The following DNAH7 variants were observed in gnomAD, a reference collection of about 807,000 sequenced individuals.
DNAH7 encodes the protein dynein axonemal heavy chain 7.
Under a neutral mutation model 444.6 loss-of-function variants are expected in DNAH7, and 397 were observed. That is an observed-to-expected ratio of 0.89 (90% CI 0.82 to 0.97). DNAH7 has a LOEUF of 0.97. Among genes scored for constraint, DNAH7 ranks in the 50% least tolerant of loss-of-function variants. The pLI is 0.00. For synonymous variants in DNAH7, 1,636 were observed against 1,624.4 expected (o/e 1.01, Z -0.17); for missense variants, 4,902 against 4,800.8 (o/e 1.02, Z -0.62).
At chr2:196,003,375 A>G (rs750740366) in intron 10 of DNAH7, among the ~76,000 whole-genome samples, 1 of 152,152 alleles carries the variant, frequency 6.6e-6, no homozygotes, top group Non-Finnish European at 1.5e-5. Flanking sequence ...GCAGAACTGG[A>G]AAGAGGACAA....
At chr2:195,856,989 A>G (rs193287257) in intron 44 of DNAH7, among the ~76,000 whole-genome samples, 1 of 152,316 alleles carries the variant, frequency 6.6e-6, no homozygotes, top group Admixed American at 6.5e-5. Flanking sequence ...TCTATTTTTA[A>G]AAGAAAAACA....
intron 15 of DNAH7, among the ~76,000 whole-genome samples, chr2:195,979,648 A>T (rs1692432285): frequency 6.6e-6 from 1 of 151,850 alleles, no homozygotes; most frequent in South Asian, 2.1e-4. Context: ...ATTGAAATAA[A>T]GGAAAGAATA....
At chr2:195,934,300 A>G (rs1330932128) in intron 21 of DNAH7, among the ~76,000 whole-genome samples, 2 of 152,204 alleles carry the variant, frequency 1.3e-5, no homozygotes, top group Non-Finnish European at 2.9e-5. Context: ...AACAAAGTGT[A>G]TCTAATTAAT....
Position 195,883,437 on chromosome 2 carries a change from G to A in DNAH7, c.5763+1148C>T. 1.3e-5 allele frequency among the ~76,000 whole-genome samples: 2 copies of A among 148,344 alleles called. 1 individual carries two copies. Among genetic ancestry groups the A allele is most frequent in the Non-Finnish European group, 2.9e-5 (2 of 67,886 alleles). ...CACTCCAACCTGGACAACACAGCGA[G>A]ACTCAGTCCCCGCTCCCCCCCCCCA... On this transcript the variant is annotated intron_variant, in intron 35 of 64. Transcript: ENST00000312428.
At chr2:195,837,103 T>A (rs1241402321) in intron 47 of DNAH7, among the ~76,000 whole-genome samples, 1 of 152,222 alleles carries the variant, frequency 6.6e-6, no homozygotes, top group Non-Finnish European at 1.5e-5. Context: ...TCCAACTAAA[T>A]TGTTTATTCC....
intron 63 of DNAH7, among the ~76,000 whole-genome samples, chr2:195,747,903 G>C (rs1693528232): frequency 6.6e-6 from 1 of 152,010 alleles, no homozygotes; most frequent in Non-Finnish European, 1.5e-5. Context: ...AAAACTGGAA[G>C]ATTCCCTTTG....
Position 195,809,831 on chromosome 2 carries a change from C to T in DNAH7, c.9802G>A (p.Val3268Ile). ...TCAAAGAGTGACCGGCAGACATTAA[C>T]ATACAGTGAATAAGTAAAGTGATCC... ...LKDHFTYSLYVNVCRSLFEKD... is the reference protein window; with the variant it reads ...LKDHFTYSLYINVCRSLFEKD... Residue 3268 changes from valine (V) to isoleucine (I), a missense_variant, in exon 52 of 65, where the codon GTT (valine) becomes ATT (isoleucine). By Grantham distance (29) the Val-to-Ile change is conservative. Coordinates refer to ENST00000312428, the MANE Select transcript of DNAH7 (RefSeq NM_018897.3). The T allele has an allele frequency of 6.3e-7, 1 of 1,592,178 alleles. No homozygotes were observed.
chr2:195,839,572 A>T (rs992621817), intron 47 of DNAH7, among the ~76,000 whole-genome samples: 2 of 151,800 alleles, frequency 1.3e-5, no homozygotes, highest in African/African-American at 4.8e-5. Context: ...CAATGCAACC[A>T]AAGGCTTGTT....
In DNAH7 at chr2:195,784,409, C is replaced by T. The variant is rs939572560; in HGVS notation, c.10878+2601G>A. Among the ~76,000 whole-genome samples, 7 of 152,258 alleles carry T rather than the reference C, an allele frequency of 4.6e-5. No individual in the cohort carries two copies. In the South Asian group the frequency reaches 1.2e-3, roughly 27 times the overall value. On this transcript the variant is annotated intron_variant, in intron 58 of 64. Coordinates refer to ENST00000312428, the MANE Select transcript of DNAH7 (RefSeq NM_018897.3). ...TTAGCAATATGCATTTAAGTTTTCT[C>T]CATGTCATTTTATGGTTTAATAGCT...
chr2:195,894,289 T>C (rs1040379567), intron 30 of DNAH7: 1 of 152,084 alleles, frequency 6.6e-6, no homozygotes, highest in African/African-American at 2.4e-5. Flanking sequence ...GGTAGCAATA[T>C]TGAAATTAGA....
intron 16 of DNAH7, 130 bp from the exon 17 acceptor site, chr2:195,970,224 T>C (rs1691753241): frequency 2.4e-6 from 2 of 836,802 alleles, no homozygotes; most frequent in South Asian, 2.6e-5. Context: ...AAGGATGATC[T>C]GGAAAATGAA....
At position 195,895,103 on chromosome 2, in the gene DNAH7, T is replaced by G; in HGVS notation, c.4769A>C (p.Glu1590Ala). 1 of 1,613,746 alleles carries G rather than the reference T, an allele frequency of 6.2e-7. No individual in the cohort carries two copies. The highest frequency in any genetic ancestry group is 8.5e-7 in the Non-Finnish European group (1 of 1,179,786). The change falls in exon 30 of 65, where the codon GAG (glutamate) becomes GCG (alanine). Residue 1590 changes from glutamate to alanine, a missense_variant. Coordinates refer to ENST00000312428, the MANE Select transcript of DNAH7 (RefSeq NM_018897.3). ...MNLQMTAFFS[E>A]KILQVYEMMI... ...CATTTCATATACTTGAAGAATCTTC[T>G]CGGAAAAGAATGCAGTCATTTGCAA...
chr2:195,877,557 T>C (rs1701132225), intron 36 of DNAH7, among the ~76,000 whole-genome samples: 1 of 152,190 alleles, frequency 6.6e-6, no homozygotes, highest in Non-Finnish European at 1.5e-5. Context: ...CACTAAACAT[T>C]ACCATAATTA....
intron 38 of DNAH7, among the ~76,000 whole-genome samples, chr2:195,875,423 A>G (rs746500625): frequency 6.6e-6 from 1 of 152,294 alleles, no homozygotes; most frequent in South Asian, 2.1e-4. Context: ...AAGTTTCAGA[A>G]GGTGGGAGAA....
At chr2:195,956,918 G>A (rs974016347) in intron 19 of DNAH7, among the ~76,000 whole-genome samples, 1 of 152,084 alleles carries the variant, frequency 6.6e-6, no homozygotes, top group African/African-American at 2.4e-5. Flanking sequence ...AGTTTCAGTG[G>A]GTTGCATTCC....
At chr2:195,996,624 C>T (rs899286619) in intron 12 of DNAH7, among the ~76,000 whole-genome samples, 1 of 151,976 alleles carries the variant, frequency 6.6e-6, no homozygotes, top group Non-Finnish European at 1.5e-5. Context: ...CAGGGTTTCA[C>T]CATGTTGGCC....
chr2:195,986,316 T>C (rs1692904470), intron 14 of DNAH7, among the ~76,000 whole-genome samples: 1 of 152,244 alleles, frequency 6.6e-6, no homozygotes, highest in Non-Finnish European at 1.5e-5. Context: ...CCGAAGTGGC[T>C]AGTCTTGTGC....
chr2:196,065,592 G>A (rs936077396), intron 1 of DNAH7, among the ~76,000 whole-genome samples: 4 of 152,172 alleles, frequency 2.6e-5, no homozygotes, highest in African/African-American at 9.7e-5. Flanking sequence ...TCCAAAAAAG[G>A]CACCAGGAGG....
chr2:195,988,454 T>C (rs1437427519), intron 12 of DNAH7, among the ~76,000 whole-genome samples: 1 of 152,120 alleles, frequency 6.6e-6, no homozygotes, highest in Admixed American at 6.6e-5. Context: ...CCTAGTTGTG[T>C]TTCGTTTTTC....
Sources: allele counts gnomAD v4.1 joint callset (sites outside exome capture counted in the v4.1 genomes callset), GRCh38; gene constraint gnomAD v4.1.1; transcripts MANE v1.5; gene names NCBI Gene and HGNC (gene_info 2026-07-23, HGNC 2026-07-21).